Variants in PDE1C observed in about 807,000 individuals in gnomAD.
The protein encoded by PDE1C is dual specificity calcium/calmodulin-dependent 3',5'-cyclic nucleotide phosphodiesterase 1C.
A neutral mutation model predicts 93.1 loss-of-function variants in PDE1C; 62 were observed. That is an observed-to-expected ratio of 0.67 (90% CI 0.54 to 0.82). The LOEUF (loss-of-function observed/expected upper bound fraction) is 0.82, where lower values mean the gene tolerates loss of function less well. PDE1C is among the 40% of genes least tolerant of loss of function. The pLI, the probability that PDE1C is intolerant of heterozygous loss-of-function variation, is 0.00. For synonymous variants in PDE1C, 325 were observed against 310.1 expected (o/e 1.05, Z -0.50); for missense variants, 742 against 884.6 (o/e 0.84, Z 2.04).
At chr7:32,017,364 T>A (rs958953819) in intron 2 of PDE1C, among the ~76,000 whole-genome samples, 2 of 152,058 alleles carry the variant, frequency 1.3e-5, no homozygotes, top group South Asian at 4.2e-4. Flanking sequence ...GGATCATAGA[T>A]CTAAATGTAA....
intron 1 of PDE1C, among the ~76,000 whole-genome samples, chr7:32,238,459 G>A (rs115921362): frequency 0.014 from 2,083 of 152,320 alleles, 70 homozygotes; most frequent in African/African-American, 0.048. Flanking sequence ...ATTTAGAACA[G>A]TGCTTGACAT....
the PDE1C span, among the ~76,000 whole-genome samples, chr7:31,737,623 G>A: frequency 6.6e-6 from 1 of 151,994 alleles, no homozygotes; most frequent in Non-Finnish European, 1.5e-5. Flanking sequence ...CAAACATGGT[G>A]AAATCCTGTC....
chr7:32,391,331 CA>C (rs751760343), intron 1 of PDE1C, among the ~76,000 whole-genome samples: 2 of 152,056 alleles, frequency 1.3e-5, no homozygotes, highest in Non-Finnish European at 2.9e-5. Flanking sequence ...TACCTAACAA[CA>C]AAGCCCCAAT....
intron 1 of PDE1C, among the ~76,000 whole-genome samples, chr7:32,336,413 G>T (rs1303905669): frequency 1.3e-5 from 2 of 152,246 alleles, no homozygotes; most frequent in South Asian, 2.1e-4. Flanking sequence ...ACCGCATGTT[G>T]CCCTTATTAT....
chr7:31,852,742 A>T (rs953063724), intron 7 of PDE1C, among the ~76,000 whole-genome samples: 4 of 152,038 alleles, frequency 2.6e-5, no homozygotes, highest in Non-Finnish European at 5.9e-5. Flanking sequence ...CTTACATTGT[A>T]TTTTCTTTGG....
chr7:32,059,979 C>T (rs74965060), intron 1 of PDE1C, among the ~76,000 whole-genome samples: 2 of 151,980 alleles, frequency 1.3e-5, no homozygotes, highest in Non-Finnish European at 2.9e-5. Flanking sequence ...CCTGGGAGCC[C>T]GTCTCCTGCT....
intron 3 of PDE1C, chr7:31,879,423 C>A: frequency 2.2e-6 from 1 of 444,778 alleles, no homozygotes; most frequent in Non-Finnish European, 4.1e-6. Flanking sequence ...GACAAAGGAA[C>A]TGGTCCATTG....
chr7:31,665,341 AT>A, the PDE1C span, among the ~76,000 whole-genome samples: 1 of 152,008 alleles, frequency 6.6e-6, no homozygotes, highest in African/African-American at 2.4e-5. Flanking sequence ...CATTGATCCT[AT>A]TTTGTTTCTT....
chr7:31,671,750 C>T, the PDE1C span, among the ~76,000 whole-genome samples: 1 of 152,132 alleles, frequency 6.6e-6, no homozygotes, highest in African/African-American at 2.4e-5. Context: ...AGATGGTCAA[C>T]CAGTATCTCA....
chr7:31,779,446 C>T lies in PDE1C; in HGVS notation c.1892-3714G>A, dbSNP rs572288751. Among the ~76,000 whole-genome samples the T allele has an allele frequency of 1.2e-3, 184 of 152,270 alleles. 2 individuals are homozygous for T. The highest frequency in any genetic ancestry group is 3.1e-4 in the Non-Finnish European group (21 of 68,014). ...AAAAGCCTGCAGCTTGATAGCTTTT[C>T]GTAGAGGTAGCTTTTCATCCCCTTG... On this transcript the variant is annotated intron_variant, in intron 16 of 17. Transcript: ENST00000396191.
the PDE1C span, among the ~76,000 whole-genome samples, chr7:31,644,378 G>C: frequency 6.6e-6 from 1 of 152,196 alleles, no homozygotes; most frequent in African/African-American, 2.4e-5. Context: ...TTCATGCACT[G>C]ACACAGGATT....
chr7:31,792,527 G>C (rs1347232065), intron 16 of PDE1C, among the ~76,000 whole-genome samples: 1 of 151,932 alleles, frequency 6.6e-6, no homozygotes, highest in African/African-American at 2.4e-5. Context: ...CAATAGTAAG[G>C]TATGATATGT....
At chr7:32,128,033 A>C (rs188984192) in intron 3 of PDE1C, among the ~76,000 whole-genome samples, 3 of 152,102 alleles carry the variant, frequency 2.0e-5, no homozygotes, top group Admixed American at 2.0e-4. Flanking sequence ...TCAGACACAT[A>C]CATGGATTAG....
intron 2 of PDE1C, among the ~76,000 whole-genome samples, chr7:31,900,415 CT>C (rs57362964): frequency 0.013 from 1,924 of 144,462 alleles, 26 homozygotes; most frequent in African/African-American, 0.042. Context: ...TCCTGGCTAC[CT>C]TTTTTTTTTT....
intron 3 of PDE1C, among the ~76,000 whole-genome samples, chr7:32,080,232 C>T (rs1328219269): frequency 6.6e-6 from 1 of 152,100 alleles, no homozygotes; most frequent in Non-Finnish European, 1.5e-5. Flanking sequence ...ACCCATTCAA[C>T]TGTAGTCTTC....
chr7:32,078,209 G>T (rs554401240), intron 3 of PDE1C, among the ~76,000 whole-genome samples: 2 of 152,284 alleles, frequency 1.3e-5, no homozygotes, highest in South Asian at 4.2e-4. Flanking sequence ...CTTTATCCAA[G>T]CTCCTAATTC....
chr7:32,420,075 A>AAT (rs1785361670), intron 1 of PDE1C, among the ~76,000 whole-genome samples: 1 of 126,956 alleles, frequency 7.9e-6, no homozygotes, highest in Non-Finnish European at 1.6e-5. Context: ...AAATACAAAA[A>AAT]TAGCCAGGTG....
chr7:32,219,370 GT>G (rs1012226201), intron 1 of PDE1C, among the ~76,000 whole-genome samples: 6 of 152,290 alleles, frequency 3.9e-5, no homozygotes, highest in East Asian at 1.9e-4. Context: ...AGCAAGAAAA[GT>G]TTTTTTATTG....
chr7:32,134,201 A>G (rs1354760252), intron 3 of PDE1C, among the ~76,000 whole-genome samples: 1 of 152,172 alleles, frequency 6.6e-6, no homozygotes, highest in African/African-American at 2.4e-5. Context: ...GAGTCCCAGA[A>G]GAAGATTTAA....
Sources: allele counts gnomAD v4.1 joint callset (sites outside exome capture counted in the v4.1 genomes callset), GRCh38; gene constraint gnomAD v4.1.1; transcripts MANE v1.5; gene names NCBI Gene and HGNC (gene_info 2026-07-23, HGNC 2026-07-21).